Variants in LRRC4C observed in about 807,000 individuals in gnomAD.
The protein encoded by LRRC4C is leucine rich repeat containing 4C.
Under a neutral mutation model 33.6 loss-of-function variants are expected in LRRC4C, and 5 were observed. That is an observed-to-expected ratio of 0.15 (90% CI 0.08 to 0.31). The LOEUF (loss-of-function observed/expected upper bound fraction) is 0.31, where lower values mean the gene tolerates loss of function less well. Among genes scored for constraint, LRRC4C ranks in the 10% least tolerant of loss-of-function variants. The pLI is 1.00. For missense variants in LRRC4C, 560 were observed against 796.7 expected, an observed-to-expected ratio of 0.70 and a Z score of 3.58; for synonymous variants, 329 against 302.0, an observed-to-expected ratio of 1.09 and a Z score of -0.93.
intron 2 of LRRC4C, among the ~76,000 whole-genome samples, chr11:40,789,327 T>C (rs1018876422): frequency 6.6e-5 from 10 of 152,134 alleles, no homozygotes; most frequent in African/African-American, 2.4e-4. Context: ...TGAGTTTCTC[T>C]TCATTGATAA....
intron 3 of LRRC4C, among the ~76,000 whole-genome samples, chr11:40,408,882 A>AT (rs1445722042): frequency 3.9e-5 from 6 of 151,930 alleles, no homozygotes; most frequent in African/African-American, 1.4e-4. Context: ...TTCCAATGAC[A>AT]TTTTTCACAG....
chr11:40,143,026 C>T (rs932335735), intron 5 of LRRC4C, among the ~76,000 whole-genome samples: 7 of 152,190 alleles, frequency 4.6e-5, no homozygotes, highest in Non-Finnish European at 1.0e-4. Context: ...TTTTCTAGTG[C>T]TCAGGCCAAA....
chr11:40,585,486 T>A (rs1216752542), intron 3 of LRRC4C, among the ~76,000 whole-genome samples: 3 of 151,760 alleles, frequency 2.0e-5, no homozygotes, highest in Admixed American at 6.6e-5. Flanking sequence ...CTTTTTTTTT[T>A]TATACTTTAA....
intron 1 of LRRC4C, among the ~76,000 whole-genome samples, chr11:41,183,006 C>T (rs567435626): frequency 6.6e-6 from 1 of 152,040 alleles, no homozygotes; most frequent in South Asian, 2.1e-4. Flanking sequence ...TTTTTAAAAC[C>T]ATCAGATGTC....
At chr11:40,321,466 T>A (rs1391638972) in intron 3 of LRRC4C, among the ~76,000 whole-genome samples, 1 of 152,202 alleles carries the variant, frequency 6.6e-6, no homozygotes, top group African/African-American at 2.4e-5. Flanking sequence ...TTCATAACTA[T>A]GCTATAAAAA....
At chr11:40,252,128 C>A (rs1866832478) in intron 4 of LRRC4C, among the ~76,000 whole-genome samples, 1 of 151,924 alleles carries the variant, frequency 6.6e-6, no homozygotes, top group African/African-American at 2.4e-5. Context: ...ATGATAGTGG[C>A]AACATTACTG....
chr11:41,201,895 T>TACAC (rs1363435254), intron 1 of LRRC4C, among the ~76,000 whole-genome samples: 1 of 120,184 alleles, frequency 8.3e-6, no homozygotes, highest in African/African-American at 3.2e-5. Flanking sequence ...TTGGCTGCTC[T>TACAC]ACACACACAC....
chr11:41,144,358 C>T (rs1276297355), intron 1 of LRRC4C, among the ~76,000 whole-genome samples: 1 of 152,106 alleles, frequency 6.6e-6, no homozygotes, highest in Non-Finnish European at 1.5e-5. Context: ...AAATAAAGCA[C>T]GATGGAAAAT....
intron 1 of LRRC4C, among the ~76,000 whole-genome samples, chr11:41,035,133 C>T (rs1157325682): frequency 2.7e-5 from 4 of 150,694 alleles, no homozygotes; most frequent in East Asian, 1.9e-4. Flanking sequence ...GAGCTTGCAG[C>T]GAGCCGATAT....
At chr11:41,378,416 A>C (rs2137860841) in intron 1 of LRRC4C, among the ~76,000 whole-genome samples, 1 of 152,254 alleles carries the variant, frequency 6.6e-6, no homozygotes. Flanking sequence ...GTATTGCATT[A>C]ATTTTGTGAT....
chr11:40,379,819 G>A (rs532814328), intron 3 of LRRC4C, among the ~76,000 whole-genome samples: 6 of 152,206 alleles, frequency 3.9e-5, no homozygotes, highest in African/African-American at 1.4e-4. Context: ...TCAAATTGTG[G>A]TTGTGGGCCC....
intron 3 of LRRC4C, among the ~76,000 whole-genome samples, chr11:40,414,664 A>T (rs1231216380): frequency 6.6e-6 from 1 of 152,082 alleles, no homozygotes; most frequent in Non-Finnish European, 1.5e-5. Flanking sequence ...ATTTAAAAAA[A>T]GACCTATAAA....
intron 3 of LRRC4C, among the ~76,000 whole-genome samples, chr11:40,418,708 C>T (rs146300634): frequency 9.2e-5 from 14 of 152,276 alleles, no homozygotes; most frequent in Non-Finnish European, 1.5e-5. Flanking sequence ...ACGGAATGAA[C>T]CCAAATGCCC....
intron 2 of LRRC4C, among the ~76,000 whole-genome samples, chr11:40,711,102 G>A (rs1050161036): frequency 1.4e-4 from 21 of 152,192 alleles, no homozygotes; most frequent in African/African-American, 4.8e-4. Context: ...GACTGTCACA[G>A]CTTCCCTTGG....
intron 3 of LRRC4C, among the ~76,000 whole-genome samples, chr11:40,350,606 T>C (rs1769134322): frequency 6.6e-6 from 1 of 152,116 alleles, no homozygotes; most frequent in South Asian, 2.1e-4. Flanking sequence ...AATTTTAGAA[T>C]TATTTTTCAT....
chr11:40,247,575 A>T (rs1452483651), intron 4 of LRRC4C, among the ~76,000 whole-genome samples: 3 of 152,130 alleles, frequency 2.0e-5, no homozygotes, highest in Non-Finnish European at 4.4e-5. Flanking sequence ...ACACAGAGAA[A>T]GTTTTTGGGG....
rs544471413 is a variant in LRRC4C, at chr11:40,733,061, G to GTTT, written c.-406-84786_-406-84784dup. On this transcript the variant is annotated intron_variant, in intron 2 of 6. Coordinates refer to ENST00000528697, the MANE Select transcript of LRRC4C (RefSeq NM_001258419.2). ...GGATCCAAAACCAGTTATGAATATAGTTTTTTTTTTTTTTTTTTTTTTTTT... is the reference window on the plus strand; with the variant it reads ...GGATCCAAAACCAGTTATGAATATAGTTTTTTTTTTTTTTTTTTTTTTTTTTTT... Among the ~76,000 whole-genome samples the GTTT allele has an allele frequency of 5.0e-3, 290 of 57,664 alleles. 29 individuals are homozygous for GTTT. Among genetic ancestry groups the GTTT allele is most frequent in the Non-Finnish European group, 6.5e-3 (219 of 33,460 alleles). The allele number at this position is 57,664 out of a possible 152,430, so 37.8% of individuals were successfully genotyped here. A position where few individuals can be genotyped will look rare whatever the true frequency, so the allele number is the denominator to read the frequency against.
chr11:40,667,795 A>T (rs1943892685), intron 2 of LRRC4C, among the ~76,000 whole-genome samples: 1 of 152,222 alleles, frequency 6.6e-6, no homozygotes, highest in African/African-American at 2.4e-5. Context: ...ACTTCAGAAG[A>T]GAAGGCAGCC....
At chr11:40,147,434 G>A (rs1857833361) in intron 5 of LRRC4C, among the ~76,000 whole-genome samples, 3 of 151,968 alleles carry the variant, frequency 2.0e-5, no homozygotes, top group Admixed American at 6.6e-5. Flanking sequence ...TAAGAACCTG[G>A]CTTGCTGCTC....
Sources: gnomAD v4.1 joint callset for allele counts (sites outside exome capture counted in the v4.1 genomes callset) on GRCh38, gnomAD v4.1.1 for gene constraint, MANE v1.5 for transcripts, NCBI Gene and HGNC (gene_info 2026-07-23, HGNC 2026-07-21) for gene names.